The following OTC variants were observed in gnomAD, a reference collection of about 807,000 sequenced individuals.
OTC encodes ornithine transcarbamylase.
In OTC, 3 loss-of-function variants were observed where a neutral mutation model predicts 30.3. The ratio of observed to expected loss-of-function variants is 0.10; its 90% CI spans 0.05 to 0.26. The LOEUF (loss-of-function observed/expected upper bound fraction) is 0.26. Among genes scored for constraint, OTC ranks in the 10% least tolerant of loss-of-function variants. OTC has a pLI of 1.00. For missense variants in OTC, 194 were observed against 260.3 expected (o/e 0.75, Z 1.75); for synonymous variants, 111 against 99.7 (o/e 1.11, Z -0.67).
At chrX:38,385,277 T>C (rs751691940) in intron 4 of OTC, among the ~76,000 whole-genome samples, 3 of 111,711 alleles carry the variant, frequency 2.7e-5, no homozygotes, top group Non-Finnish European at 5.7e-5. Context: ...CTCAAATAAA[T>C]AAATAAAATA....
chrX:38,395,526 G>A, intron 4 of OTC: 1 of 133,069 alleles, frequency 7.5e-6, no homozygotes. Context: ...GGTTGGCCAT[G>A]CCAGCATTTA....
At chrX:38,371,095 A>G (rs2068320623) in intron 3 of OTC, among the ~76,000 whole-genome samples, 1 of 111,606 alleles carries the variant, frequency 9.0e-6, no homozygotes, top group South Asian at 3.8e-4. Flanking sequence ...TGGGGAACAC[A>G]TAGCAGAGTA....
chrX:38,368,768 C>G (rs548754165), intron 2 of OTC, among the ~76,000 whole-genome samples: 1 of 99,094 alleles, frequency 1.0e-5, no homozygotes, highest in South Asian at 5.2e-4. Flanking sequence ...CAGGAGTGAC[C>G]GCAACTGCTA....
intron 4 of OTC, among the ~76,000 whole-genome samples, chrX:38,386,201 C>T (rs750933812): frequency 1.9e-5 from 2 of 108,052 alleles, no homozygotes; most frequent in Admixed American, 1.0e-4. Context: ...GGTGAAATCC[C>T]GTCTCTACTA....
At chrX:38,388,086 C>T (rs1477193465) in intron 4 of OTC, among the ~76,000 whole-genome samples, 1 of 111,902 alleles carries the variant, frequency 8.9e-6, no homozygotes, top group African/African-American at 3.3e-5. Flanking sequence ...CTTTTTTCTG[C>T]ATAATCAGGC....
intron 1 of OTC, among the ~76,000 whole-genome samples, chrX:38,355,865 T>C (rs1464407322): frequency 9.0e-6 from 1 of 111,136 alleles, no homozygotes; most frequent in African/African-American, 3.3e-5. Context: ...GGCAAAACCC[T>C]GTCCCTGTTA....
chrX:38,340,929 T>G, the OTC span, among the ~76,000 whole-genome samples: 8 of 110,538 alleles, frequency 7.2e-5, no homozygotes, highest in African/African-American at 2.3e-4. Context: ...TCTGAGTAGC[T>G]GGGATTACAG....
intron 4 of OTC, among the ~76,000 whole-genome samples, chrX:38,384,801 CAAAAGAAAAA>C (rs1278424310): frequency 9.3e-6 from 1 of 107,274 alleles, no homozygotes; most frequent in Non-Finnish European, 1.9e-5. Flanking sequence ...GTGTAGCAAC[CAAAAGAAAAA>C]AAAAGAAAGA....
intron 9 of OTC, among the ~76,000 whole-genome samples, chrX:38,419,929 T>C (rs2068586913): frequency 9.1e-6 from 1 of 110,465 alleles, no homozygotes; most frequent in African/African-American, 3.3e-5. Context: ...GGAGAATAGG[T>C]TTTGAGATCT....
At chrX:38,342,500 G>A in the OTC span, among the ~76,000 whole-genome samples, 1 of 111,410 alleles carries the variant, frequency 9.0e-6, no homozygotes, top group Non-Finnish European at 1.9e-5. Context: ...ACTGAGCTAG[G>A]TACTGTGCTA....
intron 3 of OTC, among the ~76,000 whole-genome samples, chrX:38,373,900 C>T (rs1015280386): frequency 8.9e-6 from 1 of 112,397 alleles, no homozygotes; most frequent in Non-Finnish European, 1.9e-5. Context: ...CACGGTGGCT[C>T]ATGCCTGTAA....
At chrX:38,368,458 A>G (rs778117937) in intron 2 of OTC, among the ~76,000 whole-genome samples, 1 of 111,193 alleles carries the variant, frequency 9.0e-6, no homozygotes, top group Non-Finnish European at 1.9e-5. Flanking sequence ...AAAATTCACA[A>G]TGATGTGACA....
chrX:38,387,018 G>C (rs2068407164), intron 4 of OTC, among the ~76,000 whole-genome samples: 1 of 112,443 alleles, frequency 8.9e-6, no homozygotes, highest in South Asian at 3.7e-4. Context: ...ATATTGCACT[G>C]TGGTTTTAAT....
rs753234413 is a variant in OTC at position 38,393,698 on chromosome X, G to A, written c.387-7577G>A. Among the ~76,000 whole-genome samples, 319 of 112,188 alleles carry A rather than the reference G, an allele frequency of 2.8e-3. 1 individual carries two copies. Among genetic ancestry groups the A allele is most frequent in the African/African-American group, 9.7e-3 (300 of 30,888 alleles). ...AATAATTTTTTATCACATAGTTTTT[G>A]TTTTTTGTCATGGAATCTATATTGT... On this transcript the variant is annotated intron_variant, in intron 4 of 9. Transcript: ENST00000039007.
intron 1 of OTC, among the ~76,000 whole-genome samples, chrX:38,366,560 C>A (rs910668326): frequency 7.2e-5 from 8 of 111,709 alleles, no homozygotes; most frequent in African/African-American, 2.6e-4. Context: ...TTATCAAATA[C>A]TTATTATATT....
chrX:38,338,522 A>G, the OTC span, among the ~76,000 whole-genome samples: 1 of 112,436 alleles, frequency 8.9e-6, no homozygotes, highest in African/African-American at 3.2e-5. Context: ...ATTTAGTGGG[A>G]TCACTTTAAG....
intron 4 of OTC, among the ~76,000 whole-genome samples, chrX:38,397,649 C>T (rs1010356319): frequency 2.7e-5 from 3 of 111,432 alleles, no homozygotes; most frequent in African/African-American, 9.8e-5. Flanking sequence ...CTTATCATAT[C>T]GTTATCCCTT....
chrX:38,421,000 TTC>T (rs1186092057), intron 9 of OTC, 21 bp from the exon 10 acceptor site: 13 of 1,162,491 alleles, frequency 1.1e-5, no homozygotes, highest in Non-Finnish European at 1.4e-5. Context: ...ATCCATTTCT[TTC>T]TTTCTTTGTT....
At position 38,355,214 on chromosome X, in the gene OTC, T is replaced by A. The variant is rs143365840; in HGVS notation, c.77+2441T>A. Reference sequence around the variant, plus strand: ...CAGCCCCTGGATCAATCACTTTTAGTCAGTTAAATTTTTTTTTAACAAGAT... The same window carrying A: ...CAGCCCCTGGATCAATCACTTTTAGACAGTTAAATTTTTTTTTAACAAGAT... On this transcript the variant is annotated intron_variant, in intron 1 of 9. Coordinates refer to ENST00000039007, the MANE Select transcript of OTC (RefSeq NM_000531.6). Among the ~76,000 whole-genome samples the A allele has an allele frequency of 2.3e-3, 257 of 111,594 alleles. 2 individuals carry two copies. Among genetic ancestry groups the A allele is most frequent in the Middle Eastern group, 4.6e-3 (1 of 219 alleles).
Sources: gnomAD v4.1 joint callset for allele counts (sites outside exome capture counted in the v4.1 genomes callset) on GRCh38, gnomAD v4.1.1 for gene constraint, MANE v1.5 for transcripts, NCBI Gene and HGNC (gene_info 2026-07-23, HGNC 2026-07-21) for gene names.